FNBP1: variants seen among roughly 807,000 people sequenced by gnomAD.
The protein encoded by FNBP1 is formin binding protein 1.
In FNBP1, 26 loss-of-function variants were observed where a neutral mutation model predicts 90.6. The ratio of observed to expected loss-of-function variants is 0.29; its 90% CI spans 0.21 to 0.40. FNBP1 has a LOEUF of 0.40. Ranked by LOEUF, FNBP1 falls within the 10% of genes least tolerant of loss-of-function variation. FNBP1 has a pLI of 1.00. For synonymous variants in FNBP1, 260 were observed against 265.2 expected, an observed-to-expected ratio of 0.98 and a Z score of 0.19; for missense variants, 635 against 768.0, an observed-to-expected ratio of 0.83 and a Z score of 2.05.
intron 1 of FNBP1, among the ~76,000 whole-genome samples, chr9:130,022,820 T>TG (rs1473867797): frequency 6.6e-6 from 1 of 151,848 alleles, no homozygotes; most frequent in Non-Finnish European, 1.5e-5. Flanking sequence ...ACTACAGGTG[T>TG]GCGTTAGCAC....
intron 1 of FNBP1, among the ~76,000 whole-genome samples, chr9:130,036,623 G>T (rs927962295): frequency 5.9e-5 from 9 of 152,162 alleles, no homozygotes; most frequent in African/African-American, 1.7e-4. Flanking sequence ...AGTAAGGATG[G>T]CAAAACTAAG....
At position 130,031,997 on chromosome 9, in the gene FNBP1, T is replaced by C. The variant is rs1161992642; in HGVS notation, c.24+10955A>G. Among the ~76,000 whole-genome samples the C allele has an allele frequency of 3.3e-5, 5 of 152,018 alleles. No homozygotes were observed. In the East Asian group the frequency reaches 9.6e-4, roughly 29 times the overall value. On this transcript the variant is annotated intron_variant, in intron 1 of 16. Coordinates refer to ENST00000446176, the MANE Select transcript of FNBP1 (RefSeq NM_015033.3). This position sits in a 1 kb window ranked among gnomAD's most constrained non-coding sequence, Gnocchi z 4.2. Reference sequence around the variant, plus strand: ...TTTACAATTTTGTTTGGTTTCCTTTTATGTACAAAGTTATAAACACTGAGC... The same window carrying C: ...TTTACAATTTTGTTTGGTTTCCTTTCATGTACAAAGTTATAAACACTGAGC...
At chr9:129,907,847 G>A (rs919986962) in intron 12 of FNBP1, among the ~76,000 whole-genome samples, 2 of 152,010 alleles carry the variant, frequency 1.3e-5, no homozygotes, top group African/African-American at 4.8e-5. Context: ...TCCTGTCTCA[G>A]CCTCCCAAGT....
chr9:129,962,140 C>T (rs549367935), intron 4 of FNBP1, among the ~76,000 whole-genome samples: 7 of 152,208 alleles, frequency 4.6e-5, no homozygotes, highest in Non-Finnish European at 1.0e-4. Flanking sequence ...CCAAAGGGCA[C>T]AGCTCCAGTC....
rs140395217 is a variant in FNBP1, at chr9:129,949,303, G to A, written c.513+8057C>T. ...CCAATAAAAATTGTTCAATTAAGCT[G>A]ATTTCCTCTCTTCATTTTTCCTCTA... On this transcript the variant is annotated intron_variant, in intron 6 of 16. Transcript: ENST00000446176. Among the ~76,000 whole-genome samples, 8 of 152,248 alleles carry A rather than the reference G, an allele frequency of 5.3e-5. No homozygotes were observed. The East Asian group carries it at 1.2e-3, about 22-fold the overall frequency.
At chr9:130,012,798 C>A (rs944668653) in intron 1 of FNBP1, among the ~76,000 whole-genome samples, 1 of 152,090 alleles carries the variant, frequency 6.6e-6, no homozygotes, top group African/African-American at 2.4e-5. Flanking sequence ...TGCCACCACA[C>A]CAGGCTAATT....
Position 129,924,016 on chromosome 9 carries a change from A to T in FNBP1, c.998T>A (p.Leu333His). The T allele has an allele frequency of 6.6e-7, 1 of 1,516,508 alleles. No homozygotes were observed. Among genetic ancestry groups the T allele is most frequent in the Non-Finnish European group, 8.8e-7 (1 of 1,135,014 alleles). The allele number at this position is 1,516,508 out of a possible 1,614,324, so 93.9% of individuals were successfully genotyped here. The part of the protein sequence containing the change: ...PFIKKNKLMS[L>H]LTSPHQPPPP... ...GGGAGGCTGATGGGGGGATGTTAAAAGGGACATAAGCTACATGTAAGAGAT... is the reference window on the plus strand; with the variant it reads ...GGGAGGCTGATGGGGGGATGTTAAATGGGACATAAGCTACATGTAAGAGAT... The change falls in exon 10 of 17, where the codon CTT (leucine) becomes CAT (histidine). Residue 333 changes from leucine to histidine, a missense_variant. Coordinates refer to ENST00000446176, the MANE Select transcript of FNBP1 (RefSeq NM_015033.3).
chr9:129,900,521 C>T lies in FNBP1; in HGVS notation c.1455G>A (p.Arg485=). The change falls in exon 14 of 17, where the codon CGG becomes CGA. Residue 485 remains arginine (R), a synonymous_variant. Coordinates refer to ENST00000446176, the MANE Select transcript of FNBP1 (RefSeq NM_015033.3). This position sits in a 1 kb window ranked among gnomAD's most constrained non-coding sequence, Gnocchi z 4.1. ...GCGCCTGCTCGCTGCGTGCTGGGAGCCGGCCTTCAACCTCAGCCAGCCAGG... is the reference window on the plus strand; with the variant it reads ...GCGCCTGCTCGCTGCGTGCTGGGAGTCGGCCTTCAACCTCAGCCAGCCAGG... ...FEAWLAEVEG[R]LPARSEQARR... 3 of 1,583,280 alleles carry T rather than the reference C, an allele frequency of 1.9e-6. No homozygotes were observed. The highest frequency in any genetic ancestry group is 2.3e-5 in the South Asian group (2 of 86,176).
At chr9:129,975,759 C>T (rs1047740313) in intron 4 of FNBP1, among the ~76,000 whole-genome samples, 2 of 151,732 alleles carry the variant, frequency 1.3e-5, no homozygotes, top group South Asian at 2.1e-4. Context: ...AAAAATTAGC[C>T]GGATATAGTG....
At chr9:130,016,399 C>T (rs1447440513) in intron 1 of FNBP1, among the ~76,000 whole-genome samples, 2 of 152,118 alleles carry the variant, frequency 1.3e-5, no homozygotes, top group African/African-American at 2.4e-5. Flanking sequence ...TCATCACATC[C>T]CCCACTATCA....
intron 16 of FNBP1, 124 bp downstream of exon 16, chr9:129,895,714 G>A: frequency 7.2e-7 from 1 of 1,393,484 alleles, no homozygotes; most frequent in Non-Finnish European, 9.3e-7. Flanking sequence ...AGGAGAACGT[G>A]CATTATGGTG....
At position 129,890,486 on chromosome 9, in the gene FNBP1, GCAGACGGAGGCTCCTC is replaced by G. The variant is rs1007611363; in HGVS notation, c.*37_*52del. 3.3e-6 allele frequency: 5 copies of G among 1,524,890 alleles called. No homozygotes were observed. The African/African-American group carries it at 6.9e-5, about 21-fold the overall frequency. The allele number at this position is 1,524,890 out of a possible 1,614,324, so 94.5% of individuals were successfully genotyped here. On this transcript the variant is annotated 3_prime_UTR_variant, in exon 17 of 17. Coordinates refer to ENST00000446176, the MANE Select transcript of FNBP1 (RefSeq NM_015033.3). This position sits in a 1 kb window ranked among gnomAD's most constrained non-coding sequence, Gnocchi z 5.8. The stretch of plus-strand genomic sequence containing the variant: ...GGGCGCTGGAGGCCTGTGGGAACAA[GCAGACGGAGGCTCCTC>G]CAGGAAGGCTCACCCGAGGCTCGCA...
At chr9:129,930,401 G>T (rs1194221944) in intron 6 of FNBP1, among the ~76,000 whole-genome samples, 1 of 152,074 alleles carries the variant, frequency 6.6e-6, no homozygotes, top group Non-Finnish European at 1.5e-5. Context: ...TCTCAATGGG[G>T]TTCATGCACT....
At chr9:129,988,327 C>CCAGCA (rs2052604161) in intron 2 of FNBP1, among the ~76,000 whole-genome samples, 9 of 151,416 alleles carry the variant, frequency 5.9e-5, no homozygotes, top group African/African-American at 2.0e-4. Flanking sequence ...ACCTATACTA[C>CCAGCA]CTTGAATAGA....
chr9:129,967,253 C>T (rs565613287), intron 4 of FNBP1, among the ~76,000 whole-genome samples: 1 of 152,270 alleles, frequency 6.6e-6, no homozygotes, highest in East Asian at 1.9e-4. Flanking sequence ...CGGTGGCTCA[C>T]GCCTGTGATC....
upstream of FNBP1, chr9:130,045,214 A>G (rs760638110): frequency 6.6e-6 from 1 of 152,230 alleles, no homozygotes; most frequent in Non-Finnish European, 1.5e-5. Flanking sequence ...ATATATAACA[A>G]TGAGAACGGC....
At chr9:129,974,416 G>A (rs765195102) in intron 4 of FNBP1, among the ~76,000 whole-genome samples, 2 of 151,018 alleles carry the variant, frequency 1.3e-5, no homozygotes, top group Non-Finnish European at 3.0e-5. Context: ...CTAAACACTC[G>A]GCCTCCCGAA....
chr9:130,018,605 C>T (rs2131851543), intron 1 of FNBP1, among the ~76,000 whole-genome samples: 1 of 151,822 alleles, frequency 6.6e-6, no homozygotes, highest in South Asian at 2.1e-4. Context: ...ACTCTGTCAC[C>T]CAGGCTGGAG....
chr9:129,898,372 C>A (rs960842192), intron 15 of FNBP1, among the ~76,000 whole-genome samples: 1 of 152,132 alleles, frequency 6.6e-6, no homozygotes, highest in Non-Finnish European at 1.5e-5. Context: ...CACACCACAC[C>A]CATTTCTGGC....
Sources: gnomAD v4.1 joint callset for allele counts (sites outside exome capture counted in the v4.1 genomes callset) on GRCh38, gnomAD v4.1.1 for gene constraint, Gnocchi (gnomAD v3.1) non-coding constraint, MANE v1.5 for transcripts, NCBI Gene and HGNC (gene_info 2026-07-23, HGNC 2026-07-21) for gene names.